HMGCLL1: variants seen among roughly 807,000 people sequenced by gnomAD.
HMGCLL1 encodes the protein 3-hydroxy-3-methylglutaryl-CoA lyase like 1.
HMGCLL1 carries 36 observed loss-of-function variants against 39.1 expected under a neutral mutation model. The observed-to-expected ratio is 0.92, with a 90% CI of 0.71 to 1.22. The LOEUF is 1.22. Ranked by LOEUF, HMGCLL1 falls within the 50% of genes most tolerant of loss-of-function variation. HMGCLL1 has a pLI of 0.00. For synonymous variants in HMGCLL1, 149 were observed against 144.0 expected (o/e 1.03, Z -0.25); for missense variants, 451 against 416.5 (o/e 1.08, Z -0.72).
chr6:55,463,669 C>T (rs879359905), intron 7 of HMGCLL1, among the ~76,000 whole-genome samples: 4 of 152,108 alleles, frequency 2.6e-5, no homozygotes, highest in Non-Finnish European at 4.4e-5. Context: ...GTCTACTTTC[C>T]TCTTTTCCTA....
the HMGCLL1 span, among the ~76,000 whole-genome samples, chr6:55,674,975 A>G: frequency 2.0e-5 from 3 of 152,268 alleles, no homozygotes; most frequent in Non-Finnish European, 4.4e-5. Context: ...GTTTGAAAAT[A>G]TTATTTAAAC....
the HMGCLL1 span, among the ~76,000 whole-genome samples, chr6:55,601,148 C>A: frequency 6.6e-6 from 1 of 152,070 alleles, no homozygotes; most frequent in African/African-American, 2.4e-5. Flanking sequence ...ACCTCAGTGC[C>A]ATATAACAAT....
intron 1 of HMGCLL1, among the ~76,000 whole-genome samples, chr6:55,568,037 C>A (rs1023135632): frequency 6.6e-5 from 10 of 152,052 alleles, no homozygotes; most frequent in African/African-American, 2.4e-4. Context: ...AAAATAAAAA[C>A]CTCCATGAAT....
At chr6:55,489,456 A>G (rs989492284) in intron 7 of HMGCLL1, among the ~76,000 whole-genome samples, 1 of 151,926 alleles carries the variant, frequency 6.6e-6, no homozygotes, top group Non-Finnish European at 1.5e-5. Flanking sequence ...TATACTATAA[A>G]AGCCAAATTT....
At chr6:55,491,410 G>T (rs1266311585) in intron 7 of HMGCLL1, among the ~76,000 whole-genome samples, 2 of 152,120 alleles carry the variant, frequency 1.3e-5, no homozygotes, top group Admixed American at 6.6e-5. Context: ...AAATAATTTG[G>T]TCTTTCTAAA....
At chr6:55,473,520 C>A (rs920789314) in intron 7 of HMGCLL1, among the ~76,000 whole-genome samples, 1 of 151,246 alleles carries the variant, frequency 6.6e-6, no homozygotes, top group African/African-American at 2.4e-5. Flanking sequence ...TAAAGTATCC[C>A]AAATTCATTC....
chr6:55,659,316 G>A, the HMGCLL1 span, among the ~76,000 whole-genome samples: 1 of 151,770 alleles, frequency 6.6e-6, no homozygotes, highest in African/African-American at 2.4e-5. Context: ...ATATAACACG[G>A]GCCCTAACTA....
intron 3 of HMGCLL1, among the ~76,000 whole-genome samples, chr6:55,530,193 T>A (rs1026256157): frequency 9.9e-5 from 15 of 152,096 alleles, no homozygotes; most frequent in African/African-American, 3.6e-4. Flanking sequence ...GTTAAATTTA[T>A]AAATAGATTA....
the HMGCLL1 span, among the ~76,000 whole-genome samples, chr6:55,621,672 A>G: frequency 6.6e-6 from 1 of 151,980 alleles, no homozygotes; most frequent in Non-Finnish European, 1.5e-5. Flanking sequence ...ATGGTGAGTT[A>G]CATAATTATT....
chr6:55,478,550 C>T (rs996244631), intron 7 of HMGCLL1, among the ~76,000 whole-genome samples: 2 of 151,170 alleles, frequency 1.3e-5, no homozygotes, highest in Non-Finnish European at 2.9e-5. Context: ...AAATGTATTA[C>T]GAAAATATTG....
intron 7 of HMGCLL1, among the ~76,000 whole-genome samples, chr6:55,442,676 G>T (rs1763656314): frequency 6.6e-6 from 1 of 152,164 alleles, no homozygotes; most frequent in Non-Finnish European, 1.5e-5. Flanking sequence ...TCCAACATGA[G>T]AAGGTCTCTA....
intron 1 of HMGCLL1, chr6:55,577,124 G>C (rs755434416): frequency 6.2e-7 from 1 of 1,611,248 alleles, no homozygotes; most frequent in Non-Finnish European, 8.5e-7. Flanking sequence ...TGAGAAGCCA[G>C]AGACATCGGG....
the HMGCLL1 span, among the ~76,000 whole-genome samples, chr6:55,648,351 G>C: frequency 3.8e-3 from 558 of 147,676 alleles, 4 homozygotes; most frequent in African/African-American, 0.012. Context: ...CAGAAGGCAA[G>C]AAATAACTAA....
At chr6:55,487,631 CT>C (rs1420548907) in intron 7 of HMGCLL1, among the ~76,000 whole-genome samples, 1 of 152,070 alleles carries the variant, frequency 6.6e-6, no homozygotes, top group African/African-American at 2.4e-5. Flanking sequence ...TGAACTCATG[CT>C]TTTTTATGGC....
intron 5 of HMGCLL1, chr6:55,512,947 G>C (rs116143230): frequency 7.2e-5 from 11 of 152,110 alleles, no homozygotes; most frequent in African/African-American, 2.6e-4. Context: ...TCTTCCTTAA[G>C]AAACAAACAC....
chr6:55,481,260 C>G lies in HMGCLL1; in HGVS notation c.795+14159G>C, dbSNP rs1168311070. 2.0e-5 allele frequency among the ~76,000 whole-genome samples: 3 copies of G among 151,832 alleles called. No individual in the cohort carries two copies. The East Asian group carries it at 5.8e-4, about 29-fold the overall frequency. ...TAGGTATGGTTTTCATGCCTGTAGTCCCAGCTACTTGGGAGGCTGAGGTGG... is the reference window on the plus strand; with the variant it reads ...TAGGTATGGTTTTCATGCCTGTAGTGCCAGCTACTTGGGAGGCTGAGGTGG... On this transcript the variant is annotated intron_variant, in intron 7 of 8. Coordinates refer to ENST00000274901, the MANE Select transcript of HMGCLL1 (RefSeq NM_001042406.2).
the HMGCLL1 span, among the ~76,000 whole-genome samples, chr6:55,664,440 G>A: frequency 6.6e-6 from 1 of 151,596 alleles, no homozygotes; most frequent in African/African-American, 2.4e-5. Flanking sequence ...AGTTTGACTG[G>A]CTACGAAATT....
Position 55,495,402 on chromosome 6 carries a change from CAA to C in HMGCLL1, c.795+15_795+16del, listed in dbSNP as rs1384903543. On this transcript the variant is annotated intron_variant, in intron 7 of 8. Transcript: ENST00000274901. ...ACACCCTATGCACACACATAACACA[CAA>C]AGAGTACAAAATACCTGAAGGGCCG... 4.4e-6 allele frequency: 7 copies of C among 1,602,766 alleles called. No individual in the cohort carries two copies. The South Asian group carries it at 7.8e-5, about 18-fold the overall frequency.
the HMGCLL1 span, among the ~76,000 whole-genome samples, chr6:55,626,413 C>T: frequency 6.6e-6 from 1 of 152,196 alleles, no homozygotes; most frequent in East Asian, 1.9e-4. Context: ...CCCCGTTATC[C>T]TGAAGTAGCT....
Sources: gnomAD v4.1 joint callset for allele counts (sites outside exome capture counted in the v4.1 genomes callset) on GRCh38, gnomAD v4.1.1 for gene constraint, MANE v1.5 for transcripts, NCBI Gene and HGNC (gene_info 2026-07-23, HGNC 2026-07-21) for gene names.